Variants in BTNL9 observed in about 807,000 individuals in gnomAD.
The protein encoded by BTNL9 is butyrophilin like 9, also known as butyrophilin-like protein 9.
BTNL9 carries 45 observed loss-of-function variants against 45.8 expected under a neutral mutation model. The ratio of observed to expected loss-of-function variants is 0.98; its 90% CI spans 0.77 to 1.26. The LOEUF is 1.26. BTNL9 is among the 50% of genes most tolerant of loss of function. The pLI is 0.00. For synonymous variants in BTNL9, 346 were observed against 330.8 expected (o/e 1.05, Z -0.50); for missense variants, 784 against 729.7 (o/e 1.07, Z -0.86).
chr5:181,041,602 T>G (rs148512430), intron 1 of BTNL9, among the ~76,000 whole-genome samples: 27 of 152,340 alleles, frequency 1.8e-4, no homozygotes, highest in Admixed American at 4.6e-4. Flanking sequence ...CCTGAGTTTG[T>G]CAGGTGGAAG....
chr5:181,058,173 A>G (rs1325967958), intron 9 of BTNL9, among the ~76,000 whole-genome samples, 179 bp from the exon 10 acceptor site: 2 of 152,182 alleles, frequency 1.3e-5, no homozygotes, highest in Non-Finnish European at 2.9e-5. Context: ...TCAATCTAAA[A>G]TTTCTCAGGA....
At chr5:181,044,470 C>A (rs879507671) in intron 1 of BTNL9, among the ~76,000 whole-genome samples, 2 of 152,096 alleles carry the variant, frequency 1.3e-5, no homozygotes, top group South Asian at 2.1e-4. Flanking sequence ...GAAGACAGTG[C>A]GTGGGCGTTG....
rs1760823449 is a variant in BTNL9 at position 181,042,423 on chromosome 5, G to A, written c.-24+1991G>A. On this transcript the variant is annotated intron_variant, in intron 1 of 10. Coordinates refer to ENST00000327705, the MANE Select transcript of BTNL9 (RefSeq NM_152547.5). This position sits in a 1 kb window ranked among gnomAD's most constrained non-coding sequence, Gnocchi z 4.5. ...AATTTACACTGTAATCAAAATAGCAGAGGGTGGAAAGTGTTTCCTTCGAGG... is the reference window on the plus strand; with the variant it reads ...AATTTACACTGTAATCAAAATAGCAAAGGGTGGAAAGTGTTTCCTTCGAGG... 6.6e-6 allele frequency among the ~76,000 whole-genome samples: 1 copy of A among 152,230 alleles called. No homozygotes were observed. Among genetic ancestry groups the A allele is most frequent in the South Asian group, 2.1e-4 (1 of 4,830 alleles).
intron 3 of BTNL9, among the ~76,000 whole-genome samples, chr5:181,048,892 A>G: frequency 7.3e-6 from 1 of 136,946 alleles, no homozygotes; most frequent in Admixed American, 7.4e-5. Flanking sequence ...TATCATATAT[A>G]TGATATATAA....
chr5:181,051,385 G>C lies in BTNL9; in HGVS notation c.736+1016G>C, dbSNP rs531621570. Among the ~76,000 whole-genome samples, 20 of 152,202 alleles carry C rather than the reference G, an allele frequency of 1.3e-4. No homozygotes were observed. In the South Asian group the frequency reaches 3.9e-3, roughly 30 times the overall value. ...TATAACAGAAAAAAACTCCCCCTTT[G>C]ATATAGTCAGTCAGATACAAGCCAA... is the stretch of plus-strand genomic sequence containing the variant. On this transcript the variant is annotated intron_variant, in intron 4 of 10. Transcript: ENST00000327705.
Position 181,050,097 on chromosome 5 carries a change from C to G in BTNL9, c.464C>G (p.Ser155Ter), listed in dbSNP as rs372177180. Residue 155 changes from serine to a stop codon, truncating the protein, a stop_gained, in exon 4 of 11, where the codon TCA (serine) becomes TGA (stop). Transcript: ENST00000327705. LOFTEE classifies it high-confidence loss of function. The surrounding 1 kb of genome is among the most constrained non-coding windows in gnomAD (Gnocchi z 4.9). ...CTCCTGCCTCCACCAGGGCTGGGCT[C>G]AGACCCTCACCTCTCCCTTGAGGGC... ...LWELEVAGLG[S>*]DPHLSLEGFK... is the part of the protein sequence containing the mutation. 6.2e-7 allele frequency: 1 copy of G among 1,613,544 alleles called. No individual in the cohort carries two copies. The highest frequency in any genetic ancestry group is 1.1e-5 in the South Asian group (1 of 91,058).
At chr5:181,048,773 TG>T (rs1761343010) in intron 3 of BTNL9, among the ~76,000 whole-genome samples, 6 of 44,474 alleles carry the variant, frequency 1.3e-4, no homozygotes, top group Non-Finnish European at 2.9e-4. Context: ...ATATATAGTA[TG>T]CTATATATTA....
In BTNL9 at chr5:181,054,226, T is replaced by C. The variant is rs1232351862; in HGVS notation, c.887-13T>C. 3.1e-6 allele frequency: 5 copies of C among 1,611,580 alleles called. No individual in the cohort carries two copies. The highest frequency in any genetic ancestry group is 4.2e-6 in the Non-Finnish European group (5 of 1,179,338). Reference sequence around the variant, plus strand: ...TCCCCTTTTCTTCATCTTTTTTTTTTTTTTTTCTCTAGAGAAACTCACTGC... The same window carrying C: ...TCCCCTTTTCTTCATCTTTTTTTTTCTTTTTTCTCTAGAGAAACTCACTGC... On this transcript the variant is annotated splice_polypyrimidine_tract_variant and intron_variant, in intron 6 of 10. Transcript: ENST00000327705.
At position 181,050,343 on chromosome 5, in the gene BTNL9, A is replaced by T; in HGVS notation, c.710A>T (p.Lys237Met). 1 of 1,614,082 alleles carries T rather than the reference A, an allele frequency of 6.2e-7. No individual in the cohort carries two copies. Among genetic ancestry groups the T allele is most frequent in the Non-Finnish European group, 8.5e-7 (1 of 1,180,024 alleles). Residue 237 changes from lysine (K) to methionine (M), a missense_variant, in exon 4 of 11, where the codon AAG becomes ATG. Transcript: ENST00000327705. This position sits in a 1 kb window ranked among gnomAD's most constrained non-coding sequence, Gnocchi z 4.9. ...VSIQNLLLSQKKELVVQIADV... is the reference protein window; with the variant it reads ...VSIQNLLLSQMKELVVQIADV... ...ATCCAGAATCTCCTCTTGAGCCAGA[A>T]GAAAGAGTTGGTGGTCCAGATAGCA...
intron 4 of BTNL9, chr5:181,052,737 T>C (rs1242682495): frequency 6.6e-6 from 1 of 152,038 alleles, no homozygotes; most frequent in African/African-American, 2.4e-5. Flanking sequence ...CGCACGTGGT[T>C]CGGTTCTCAC....
At chr5:181,048,870 A>T (rs1761373486) in intron 3 of BTNL9, among the ~76,000 whole-genome samples, 1 of 138,048 alleles carries the variant, frequency 7.2e-6, no homozygotes, top group Admixed American at 7.5e-5. Flanking sequence ...TAATTATATT[A>T]GTTATATAAT....
Position 181,059,299 on chromosome 5 carries a change from AGCGTGTCTTCCC to A in BTNL9, c.1049_1060del (p.Val350_Arg353del). On this transcript the variant is annotated inframe_deletion, in exon 11 of 11. Coordinates refer to ENST00000327705, the MANE Select transcript of BTNL9 (RefSeq NM_152547.5). ...CCTGGAGGTGTCGGAGGATGGCAAG[AGCGTGTCTTCCC>A]GCGGGGCGCCGCCAGGCCCGGCGCC... 1.9e-6 allele frequency: 3 copies of A among 1,568,720 alleles called. No individual in the cohort carries two copies. The South Asian group carries it at 3.5e-5, about 18-fold the overall frequency.
intron 1 of BTNL9, among the ~76,000 whole-genome samples, chr5:181,044,803 T>G (rs1299361864): frequency 6.6e-6 from 1 of 152,094 alleles, no homozygotes; most frequent in Non-Finnish European, 1.5e-5. Context: ...GGTGGCTAGA[T>G]GGGATGACTC....
chr5:181,052,926 G>A (rs1761636503), intron 4 of BTNL9: 1 of 151,814 alleles, frequency 6.6e-6, no homozygotes, highest in Non-Finnish European at 1.5e-5. Flanking sequence ...AAGACGCGGG[G>A]CGAGGGCGGC....
chr5:181,054,959 G>T (rs931055838), intron 7 of BTNL9: 9 of 985,350 alleles, frequency 9.1e-6, no homozygotes, highest in Non-Finnish European at 1.1e-5. Flanking sequence ...TCAAAGGAAT[G>T]CATTTTTAGT....
Position 181,050,364 on chromosome 5 carries a change from T to G in BTNL9, c.731T>G (p.Ile244Arg). Residue 244 changes from isoleucine to arginine, a missense_variant, in exon 4 of 11, where the codon ATA becomes AGA. Physicochemically the swap from Ile to Arg is moderately conservative, Grantham distance 97. Transcript: ENST00000327705. The surrounding 1 kb of genome is among the most constrained non-coding windows in gnomAD (Gnocchi z 4.9). ...LSQKKELVVQIADVFVPGASA... is the reference protein window; with the variant it reads ...LSQKKELVVQRADVFVPGASA... ...CAGAAGAAAGAGTTGGTGGTCCAGA[T>G]AGCAGGTCAGTGGCTGTTAGCTCAC... The G allele has an allele frequency of 3.1e-6, 5 of 1,613,904 alleles. No homozygotes were observed. Among genetic ancestry groups the G allele is most frequent in the Non-Finnish European group, 4.2e-6 (5 of 1,179,926 alleles).
rs1386630787 is a variant in BTNL9, at chr5:181,050,069, C to A, written c.455-19C>A. ...CTCAGAAGAAGCCTGACCTTTCCCA[C>A]TCCTCCTGCCTCCACCAGGGCTGGG... is the stretch of plus-strand genomic sequence containing the variant. On this transcript the variant is annotated intron_variant, in intron 3 of 10. Transcript: ENST00000327705. This position sits in a 1 kb window ranked among gnomAD's most constrained non-coding sequence, Gnocchi z 4.9. 2 of 1,605,576 alleles carry A rather than the reference C, an allele frequency of 1.2e-6. No homozygotes were observed. Among genetic ancestry groups the A allele is most frequent in the Admixed American group, 3.4e-5 (2 of 59,058 alleles).
In BTNL9 at chr5:181,053,850, G is replaced by C; in HGVS notation, c.886+349G>C. The C allele has an allele frequency of 6.6e-7, 1 of 1,508,862 alleles. No individual in the cohort carries two copies. Among genetic ancestry groups the C allele is most frequent in the Non-Finnish European group, 8.9e-7 (1 of 1,129,854 alleles). The allele number at this position is 1,508,862 out of a possible 1,614,324, so 93.5% of individuals were successfully genotyped here. On this transcript the variant is annotated intron_variant, in intron 6 of 10. Transcript: ENST00000327705. The surrounding 1 kb of genome is among the most constrained non-coding windows in gnomAD (Gnocchi z 6.5). Reference sequence around the variant, plus strand: ...CGTCCAGGTTTTCATAGCGCACAGGGAGTCGGGCGGATGCGCAACATCTCC... The same window carrying C: ...CGTCCAGGTTTTCATAGCGCACAGGCAGTCGGGCGGATGCGCAACATCTCC...
In BTNL9 at chr5:181,045,464, C is replaced by A; in HGVS notation, c.-23-3C>A. On this transcript the variant is annotated splice_region_variant and splice_polypyrimidine_tract_variant and intron_variant, in intron 1 of 10. Coordinates refer to ENST00000327705, the MANE Select transcript of BTNL9 (RefSeq NM_152547.5). The stretch of plus-strand genomic sequence containing the variant: ...GCTCCAGCACCCCTTTGTCCCTCTC[C>A]AGGTGGCCCCCACTGCTGACGAGAG... 2 of 1,502,686 alleles carry A rather than the reference C, an allele frequency of 1.3e-6. No individual in the cohort carries two copies. The highest frequency in any genetic ancestry group is 1.9e-6 in the Non-Finnish European group (2 of 1,078,900). 93.1% of individuals were successfully genotyped at this position (1,502,686 alleles called of 1,614,324 possible).
Sources: allele counts gnomAD v4.1 joint callset (sites outside exome capture counted in the v4.1 genomes callset), GRCh38; gene constraint gnomAD v4.1.1; non-coding constraint Gnocchi (gnomAD v3.1); transcripts MANE v1.5; gene names NCBI Gene and HGNC (gene_info 2026-07-23, HGNC 2026-07-21).